The following TMEM156 variants were observed in gnomAD, a reference collection of about 807,000 sequenced individuals.
TMEM156 encodes the protein transmembrane protein 156.
In TMEM156, 28 loss-of-function variants were observed where a neutral mutation model predicts 30.5. The ratio of observed to expected loss-of-function variants is 0.92; its 90% confidence interval spans 0.68 to 1.26. The LOEUF is 1.26. TMEM156 is among the 50% of genes most tolerant of loss of function. The pLI is 0.00. For missense variants in TMEM156, 351 were observed against 340.6 expected (o/e 1.03, Z -0.24); for synonymous variants, 137 against 119.9 (o/e 1.14, Z -0.93).
chr4:38,980,149 T>C (rs933250433), intron 5 of TMEM156, among the ~76,000 whole-genome samples: 1 of 128,332 alleles, frequency 7.8e-6, no homozygotes, highest in Non-Finnish European at 1.6e-5. Context: ...AAAATGAGGA[T>C]GGAAAATAAA....
Position 38,994,102 on chromosome 4 carries a change from A to G in TMEM156, c.359-104T>C, listed in dbSNP as rs1323956128. ...TCTTCCTTTCTATACAAGAAAGTAG[A>G]AACAAGAAGTTTCCTACACTAAAAA... On this transcript the variant is annotated intron_variant, in intron 2 of 6. Coordinates refer to ENST00000381938, the MANE Select transcript of TMEM156 (RefSeq NM_024943.3). 5 of 1,053,742 alleles carry G rather than the reference A, an allele frequency of 4.7e-6. No homozygotes were observed. In the African/African-American group the frequency reaches 8.1e-5, roughly 17 times the overall value. The allele number at this position is 1,053,742 out of a possible 1,614,324, so 65.3% of individuals were successfully genotyped here.
At position 39,018,636 on chromosome 4, in the gene TMEM156, C is replaced by CGG. The variant is rs551910272; in HGVS notation, c.88+13589_88+13590insCC. Reference sequence around the variant, plus strand: ...CTTTGCAGGCATTTTTCACTGCCTTCTGATTTTCATTGTTGTTTTCAAGAG... The same window carrying CGG: ...CTTTGCAGGCATTTTTCACTGCCTTCGGTGATTTTCATTGTTGTTTTCAAGAG... On this transcript the variant is annotated intron_variant, in intron 1 of 6. Coordinates refer to ENST00000381938, the MANE Select transcript of TMEM156 (RefSeq NM_024943.3). Among the ~76,000 whole-genome samples the CGG allele has an allele frequency of 2.2e-4, 34 of 152,302 alleles. No homozygotes were observed. In the South Asian group the frequency reaches 5.4e-3, roughly 24 times the overall value.
intron 5 of TMEM156, among the ~76,000 whole-genome samples, chr4:38,978,807 G>A (rs1374829141): frequency 6.6e-6 from 1 of 152,076 alleles, no homozygotes; most frequent in African/African-American, 2.4e-5. Flanking sequence ...TTTTGAGACA[G>A]GGTCTCGCTC....
At chr4:39,017,121 G>T (rs556965696) in intron 1 of TMEM156, among the ~76,000 whole-genome samples, 1 of 151,392 alleles carries the variant, frequency 6.6e-6, no homozygotes, top group South Asian at 2.1e-4. Context: ...ACAATTGAAG[G>T]TGAGATTTGG....
chr4:39,027,307 T>C (rs1715257335), intron 1 of TMEM156, among the ~76,000 whole-genome samples: 1 of 152,202 alleles, frequency 6.6e-6, no homozygotes, highest in Non-Finnish European at 1.5e-5. Context: ...GTGGTGGTCA[T>C]TATAATATAG....
chr4:38,986,051 A>G (rs1252140198), intron 5 of TMEM156, among the ~76,000 whole-genome samples: 2 of 152,238 alleles, frequency 1.3e-5, no homozygotes, highest in Non-Finnish European at 2.9e-5. Flanking sequence ...TTAAAAATAA[A>G]TCTAAGTCTT....
chr4:38,994,957 CA>C (rs1220980160), intron 2 of TMEM156, among the ~76,000 whole-genome samples: 39 of 151,772 alleles, frequency 2.6e-4, no homozygotes, highest in African/African-American at 9.2e-4. Context: ...AAGAAAAGAA[CA>C]GAAGTTTGTC....
At chr4:38,988,785 C>A in intron 4 of TMEM156, 66 bp downstream of exon 4, 1 of 1,596,164 alleles carries the variant, frequency 6.3e-7, no homozygotes, top group Admixed American at 1.8e-5. Context: ...CTAAATTGTA[C>A]TAAAAAGGAA....
intron 5 of TMEM156, among the ~76,000 whole-genome samples, chr4:38,984,856 A>G (rs765413270): frequency 7.9e-5 from 12 of 152,202 alleles, no homozygotes; most frequent in Non-Finnish European, 1.2e-4. Flanking sequence ...ATTTTTAGTG[A>G]GAGCTATGAA....
intron 1 of TMEM156, among the ~76,000 whole-genome samples, chr4:39,018,441 C>A (rs1469742010): frequency 2.6e-5 from 4 of 152,012 alleles, no homozygotes; most frequent in Non-Finnish European, 5.9e-5. Context: ...TTTTTCCCTG[C>A]CATTTCTTCT....
intron 1 of TMEM156, among the ~76,000 whole-genome samples, chr4:39,004,027 A>G (rs1323649644): frequency 1.3e-5 from 2 of 152,242 alleles, no homozygotes; most frequent in Admixed American, 6.5e-5. Context: ...AGAAATAAAT[A>G]GAAGACACAT....
At chr4:39,004,552 AT>A (rs541025984) in intron 1 of TMEM156, among the ~76,000 whole-genome samples, 128 of 152,208 alleles carry the variant, frequency 8.4e-4, no homozygotes, top group African/African-American at 3.0e-3. Flanking sequence ...GTTTAGAAAT[AT>A]ATACATATAT....
At chr4:39,025,292 G>A (rs1353252851) in intron 1 of TMEM156, among the ~76,000 whole-genome samples, 1 of 138,158 alleles carries the variant, frequency 7.2e-6, no homozygotes, top group Non-Finnish European at 1.5e-5. Flanking sequence ...AGGCTGCAGT[G>A]AGCTGAGATC....
At chr4:39,013,006 G>A (rs1714224174) in intron 1 of TMEM156, among the ~76,000 whole-genome samples, 1 of 151,934 alleles carries the variant, frequency 6.6e-6, no homozygotes, top group South Asian at 2.1e-4. Flanking sequence ...TGTTGGAAAA[G>A]AGTAGTATGA....
chr4:38,979,396 G>A (rs1723068606), intron 5 of TMEM156, among the ~76,000 whole-genome samples: 1 of 152,242 alleles, frequency 6.6e-6, no homozygotes, highest in African/African-American at 2.4e-5. Flanking sequence ...TAGTGTGGCT[G>A]CCTTGAGGCT....
At chr4:38,981,788 A>T (rs1350323768) in intron 5 of TMEM156, among the ~76,000 whole-genome samples, 1 of 152,198 alleles carries the variant, frequency 6.6e-6, no homozygotes, top group Non-Finnish European at 1.5e-5. Flanking sequence ...CCCTTCTCCT[A>T]TGTCAACCAC....
chr4:38,993,448 C>T (rs2109956035), intron 3 of TMEM156, among the ~76,000 whole-genome samples: 1 of 137,602 alleles, frequency 7.3e-6, no homozygotes, highest in South Asian at 2.5e-4. Context: ...CCACCACCAC[C>T]CCACTGCAAC....
intron 1 of TMEM156, among the ~76,000 whole-genome samples, chr4:39,006,888 A>G (rs1175118758): frequency 6.6e-6 from 1 of 152,168 alleles, no homozygotes; most frequent in Non-Finnish European, 1.5e-5. Flanking sequence ...GGCCGTGGTG[A>G]GCCATGATCA....
At chr4:39,003,243 T>C (rs1713505016) in intron 1 of TMEM156, among the ~76,000 whole-genome samples, 1 of 152,136 alleles carries the variant, frequency 6.6e-6, no homozygotes. Context: ...GCCTTCTATA[T>C]TTGAAATTTC....
Sources: allele counts gnomAD v4.1 joint callset (sites outside exome capture counted in the v4.1 genomes callset), GRCh38; gene constraint gnomAD v4.1.1; transcripts MANE v1.5; gene names NCBI Gene and HGNC (gene_info 2026-07-23, HGNC 2026-07-21).